The following ADAMTSL3 variants were observed in gnomAD, a reference collection of about 807,000 sequenced individuals.
ADAMTSL3 encodes the protein ADAMTS-like protein 3.
A neutral mutation model predicts 201.7 loss-of-function variants in ADAMTSL3; 128 were observed. The observed-to-expected ratio is 0.63, with a 90% CI of 0.55 to 0.73. ADAMTSL3 has a LOEUF of 0.73. Among genes scored for constraint, ADAMTSL3 ranks in the 30% least tolerant of loss-of-function variants. The probability of loss-of-function intolerance (pLI) is 0.00; values close to 1 mark genes in which losing one functional copy is unlikely to be tolerated. For missense variants in ADAMTSL3, 1,990 were observed against 2,119.6 expected (o/e 0.94, Z 1.20); for synonymous variants, 738 against 748.4 (o/e 0.99, Z 0.23).
intron 8 of ADAMTSL3, among the ~76,000 whole-genome samples, chr15:83,861,217 G>A (rs531289744): frequency 5.3e-5 from 8 of 152,288 alleles, no homozygotes; most frequent in African/African-American, 1.9e-4. Context: ...TGGGGGCAGG[G>A]CACAGCCAAA....
At chr15:83,689,160 A>G (rs182142853) in intron 2 of ADAMTSL3, among the ~76,000 whole-genome samples, 1 of 152,282 alleles carries the variant, frequency 6.6e-6, no homozygotes, top group East Asian at 1.9e-4. Flanking sequence ...ATACAAAAGA[A>G]TTCATATAAC....
intron 3 of ADAMTSL3, among the ~76,000 whole-genome samples, chr15:83,768,084 C>T (rs547784439): frequency 3.4e-4 from 52 of 152,114 alleles, no homozygotes; most frequent in Non-Finnish European, 6.2e-4. Flanking sequence ...AATGTTAAGT[C>T]TTGCATAAGT....
intron 23 of ADAMTSL3, among the ~76,000 whole-genome samples, chr15:84,006,028 G>T (rs1000843654): frequency 9.9e-5 from 15 of 152,170 alleles, no homozygotes; most frequent in Admixed American, 9.2e-4. Flanking sequence ...AAGAACAAAA[G>T]GGTATGCAGT....
chr15:83,764,264 G>C lies in ADAMTSL3; in HGVS notation c.190-9259G>C, dbSNP rs149740263. On this transcript the variant is annotated intron_variant, in intron 3 of 29. Coordinates refer to ENST00000286744, the MANE Select transcript of ADAMTSL3 (RefSeq NM_207517.3). ...TCAGTCCTTACCCACACTCCTGCCA[G>C]AGTAAGTTTTCCAAAATACAGTCTG... Among the ~76,000 whole-genome samples the C allele has an allele frequency of 2.9e-3, 436 of 152,250 alleles. 3 individuals carry two copies. Among genetic ancestry groups the C allele is most frequent in the Middle Eastern group, 0.01 (3 of 294 alleles).
intron 26 of ADAMTSL3, among the ~76,000 whole-genome samples, chr15:84,021,941 G>T (rs1157945175): frequency 2.0e-5 from 3 of 152,122 alleles, no homozygotes; most frequent in Non-Finnish European, 4.4e-5. Context: ...CTAATTTCTT[G>T]GGTTTACTTA....
chr15:84,025,395 T>C lies in ADAMTSL3; in HGVS notation c.4615T>C (p.Cys1539Arg), dbSNP rs540128741. ...PKDRPLGRKPCFGHPCVQWEP... is the reference protein window; with the variant it reads ...PKDRPLGRKPRFGHPCVQWEP... ...AGACCGGCCTCTGGGAAGAAAACCA[T>C]GTTTTGGTCATCCATGTGTTCAGTG... Residue 1539 changes from cysteine (C) to arginine (R), a missense_variant, in exon 27 of 30, where the codon TGT (cysteine) becomes CGT (arginine). Physicochemically the swap from Cys to Arg is radical, Grantham distance 180. Coordinates refer to ENST00000286744, the MANE Select transcript of ADAMTSL3 (RefSeq NM_207517.3). 1.7e-5 allele frequency: 28 copies of C among 1,614,106 alleles called. No individual in the cohort carries two copies. The South Asian group carries it at 3.1e-4, about 18-fold the overall frequency.
intron 21 of ADAMTSL3, 95 bp downstream of exon 21, chr15:83,983,439 C>T (rs1050009345): frequency 1.1e-6 from 1 of 929,806 alleles, no homozygotes; most frequent in African/African-American, 1.7e-5. Context: ...CTCTCCTAAG[C>T]ATGTGTTTCC....
chr15:83,964,929 A>G (rs2067050027), intron 19 of ADAMTSL3, among the ~76,000 whole-genome samples: 1 of 152,236 alleles, frequency 6.6e-6, no homozygotes, highest in Non-Finnish European at 1.5e-5. Context: ...CCTAAGCTTC[A>G]TAAGCGAAGG....
chr15:83,767,922 C>G (rs2062919017), intron 3 of ADAMTSL3, among the ~76,000 whole-genome samples: 1 of 152,096 alleles, frequency 6.6e-6, no homozygotes, highest in Non-Finnish European at 1.5e-5. Context: ...GAGCTATGTC[C>G]CACACATTTA....
At chr15:83,792,242 A>G (rs1250244508) in intron 4 of ADAMTSL3, among the ~76,000 whole-genome samples, 1 of 152,218 alleles carries the variant, frequency 6.6e-6, no homozygotes, top group African/African-American at 2.4e-5. Flanking sequence ...TAGGATGAAC[A>G]TGGAAGACAG....
At chr15:83,791,953 A>G (rs561654731) in intron 4 of ADAMTSL3, among the ~76,000 whole-genome samples, 4 of 152,318 alleles carry the variant, frequency 2.6e-5, no homozygotes, top group South Asian at 2.1e-4. Context: ...GAAAAGCTCT[A>G]TGACATTTGT....
intron 3 of ADAMTSL3, among the ~76,000 whole-genome samples, chr15:83,759,162 A>G (rs769149902): frequency 6.6e-6 from 1 of 152,174 alleles, no homozygotes; most frequent in Non-Finnish European, 1.5e-5. Flanking sequence ...AGAGACTAGT[A>G]TAATAAACTC....
chr15:83,720,957 TA>T (rs1218723742), intron 3 of ADAMTSL3, among the ~76,000 whole-genome samples: 15 of 152,324 alleles, frequency 9.8e-5, no homozygotes, highest in South Asian at 2.1e-4. Context: ...GTTTTTATGT[TA>T]AAAAATATTT....
intron 19 of ADAMTSL3, among the ~76,000 whole-genome samples, chr15:83,964,833 A>C (rs1262454805): frequency 6.6e-6 from 1 of 152,218 alleles, no homozygotes; most frequent in Non-Finnish European, 1.5e-5. Context: ...TCTCTGCAGA[A>C]ACCCTACAAG....
chr15:83,805,355 C>T (rs562065912), intron 5 of ADAMTSL3, among the ~76,000 whole-genome samples: 6 of 152,180 alleles, frequency 3.9e-5, no homozygotes, highest in Admixed American at 6.5e-5. Flanking sequence ...GTTAAAAGTT[C>T]GAGACCAACC....
intron 3 of ADAMTSL3, among the ~76,000 whole-genome samples, chr15:83,714,864 C>CCCTCCCTCCCTCCCTT (rs74219652): frequency 1.2e-5 from 1 of 82,240 alleles, no homozygotes; most frequent in African/African-American, 4.5e-5. Context: ...CTCCCTCCCT[C>CCCTCCCTCCCTCCCTT]CCTCCCTCCC....
chr15:83,935,626 A>G (rs1000523986), intron 17 of ADAMTSL3, among the ~76,000 whole-genome samples: 5 of 152,132 alleles, frequency 3.3e-5, no homozygotes, highest in African/African-American at 9.6e-5. Context: ...AAAGTCAGAG[A>G]TATAGAAAAG....
chr15:83,911,867 A>G (rs2065941140), intron 15 of ADAMTSL3, among the ~76,000 whole-genome samples: 1 of 152,232 alleles, frequency 6.6e-6, no homozygotes, highest in Non-Finnish European at 1.5e-5. Context: ...TTCTGAAGTC[A>G]TTTAGTAGAA....
At chr15:83,945,893 C>T (rs11629965) in intron 19 of ADAMTSL3, 26,276 of 152,172 alleles carry the variant, frequency 0.17, 2,689 homozygotes, top group East Asian at 0.32. Flanking sequence ...TGTTTCCTTA[C>T]CTGCCTCTCA....
Sources: allele counts gnomAD v4.1 joint callset (sites outside exome capture counted in the v4.1 genomes callset), GRCh38; gene constraint gnomAD v4.1.1; transcripts MANE v1.5; gene names NCBI Gene and HGNC (gene_info 2026-07-23, HGNC 2026-07-21).